Variants in USP47 observed in about 807,000 individuals in gnomAD.
The protein encoded by USP47 is ubiquitin carboxyl-terminal hydrolase 47.
A neutral mutation model predicts 165.1 loss-of-function variants in USP47; 35 were observed. That is an observed-to-expected ratio of 0.21 (90% confidence interval 0.16 to 0.28). The LOEUF is 0.28. Ranked by LOEUF, USP47 falls within the 10% of genes least tolerant of loss-of-function variation. The pLI is 1.00. For synonymous variants in USP47, 531 were observed against 544.5 expected, an observed-to-expected ratio of 0.98 and a Z score of 0.35; for missense variants, 1,277 against 1,607.4, an observed-to-expected ratio of 0.79 and a Z score of 3.52.
intron 18 of USP47, 83 bp downstream of exon 18, chr11:11,938,455 T>C (rs1444003423): frequency 2.1e-6 from 2 of 960,122 alleles, no homozygotes; most frequent in Non-Finnish European, 3.2e-6. Context: ...ATGAATAAGA[T>C]ACATGCTTTA....
chr11:11,863,981 G>C (rs1315801444), intron 1 of USP47, among the ~76,000 whole-genome samples: 1 of 152,112 alleles, frequency 6.6e-6, no homozygotes, highest in East Asian at 1.9e-4. Context: ...TAGAAATTGA[G>C]ATCTGGGTTC....
At chr11:11,912,873 A>G (rs1189955595) in intron 8 of USP47, among the ~76,000 whole-genome samples, 2 of 152,140 alleles carry the variant, frequency 1.3e-5, no homozygotes, top group African/African-American at 2.4e-5. Context: ...ATCAATGAGT[A>G]TAATCTTCCA....
intron 19 of USP47, among the ~76,000 whole-genome samples, chr11:11,941,861 G>C (rs968571731): frequency 6.6e-6 from 1 of 151,766 alleles, no homozygotes; most frequent in Admixed American, 6.6e-5. Context: ...CTTGCAGTTT[G>C]TTACAAAGCC....
chr11:11,911,679 CCT>C (rs1853001573), intron 8 of USP47, among the ~76,000 whole-genome samples: 2 of 152,078 alleles, frequency 1.3e-5, no homozygotes, highest in Admixed American at 1.3e-4. Flanking sequence ...AGCACGCCTC[CCT>C]CTCTTACTGA....
At chr11:11,948,415 G>A in intron 21 of USP47, 63 bp from the exon 22 acceptor site, 2 of 1,409,658 alleles carry the variant, frequency 1.4e-6, no homozygotes, top group Admixed American at 1.8e-5. Flanking sequence ...TTAAAAATGG[G>A]ATGAGAATGG....
At chr11:11,908,580 A>G (rs949829410) in intron 8 of USP47, among the ~76,000 whole-genome samples, 3 of 152,100 alleles carry the variant, frequency 2.0e-5, no homozygotes, top group Non-Finnish European at 2.9e-5. Flanking sequence ...TTATTATAAT[A>G]TCCACAATCA....
chr11:11,879,770 A>G (rs1194236441), intron 1 of USP47, among the ~76,000 whole-genome samples: 5 of 151,952 alleles, frequency 3.3e-5, no homozygotes, highest in Non-Finnish European at 7.4e-5. Context: ...ATTTTTTTTT[A>G]GGAGACCCAG....
Position 11,905,491 on chromosome 11 carries a change from T to C in USP47, c.912T>C (p.Tyr304=), listed in dbSNP as rs564443330. 1.9e-5 allele frequency: 31 copies of C among 1,610,010 alleles called. No homozygotes were observed. The South Asian group carries it at 2.1e-4, about 11-fold the overall frequency. ...CGYEGWRIDT[Y]LDIPLVIRPY... is the part of the protein sequence containing the mutation. ...ATGAGGGCTGGCGAATCGACACATA[T>C]CTTGATATTCCATTGGTCATCCGAC... is the stretch of plus-strand genomic sequence containing the variant. The change falls in exon 8 of 28, where the codon TAT becomes TAC. Residue 304 remains tyrosine (Y), a synonymous_variant. Coordinates refer to ENST00000527733, the MANE Select transcript of USP47 (RefSeq NM_001282659.2).
At chr11:11,945,375 A>G (rs747710268) in intron 20 of USP47, among the ~76,000 whole-genome samples, 3 of 152,184 alleles carry the variant, frequency 2.0e-5, no homozygotes, top group Non-Finnish European at 4.4e-5. Flanking sequence ...AATGAATTTG[A>G]TATTTAAAGA....
chr11:11,921,836 A>G (rs1233593340), intron 10 of USP47, among the ~76,000 whole-genome samples: 2 of 151,916 alleles, frequency 1.3e-5, no homozygotes, highest in South Asian at 2.1e-4. Context: ...TTCAGGAATT[A>G]TATCTCTTTG....
chr11:11,842,245 T>G, intron 1 of USP47, 21 bp downstream of exon 1: 1 of 1,550,376 alleles, frequency 6.5e-7, no homozygotes, highest in Non-Finnish European at 8.7e-7. Context: ...CCAGAGGAGG[T>G]TAGGCCTTAG....
At chr11:11,949,819 T>C in intron 22 of USP47, 70 bp from the exon 23 acceptor site, 1 of 1,022,506 alleles carries the variant, frequency 9.8e-7, no homozygotes, top group Non-Finnish European at 1.4e-6. Context: ...GTAATTTTTA[T>C]TTTAATGTGT....
At position 11,933,110 on chromosome 11, in the gene USP47, A is replaced by G; in HGVS notation, c.1758A>G (p.Thr586=). The stretch of plus-strand genomic sequence containing the variant: ...GACAACGAGAAATTGAGCGCAATAC[A>G]TGCAAGGTTGAATTCCATCATTTTA... ...EKRQREIERN[T]CKIKLFCLHP... is the part of the protein sequence containing the mutation. Residue 586 remains threonine (T), a synonymous_variant, in exon 15 of 28, where the codon ACA becomes ACG. Coordinates refer to ENST00000527733, the MANE Select transcript of USP47 (RefSeq NM_001282659.2). 1 of 1,612,096 alleles carries G rather than the reference A, an allele frequency of 6.2e-7. No individual in the cohort carries two copies. Among genetic ancestry groups the G allele is most frequent in the Non-Finnish European group, 8.5e-7 (1 of 1,179,016 alleles).
intron 1 of USP47, among the ~76,000 whole-genome samples, chr11:11,849,749 T>C (rs1848623653): frequency 6.6e-6 from 1 of 152,216 alleles, no homozygotes; most frequent in African/African-American, 2.4e-5. Context: ...TTTCTGTATC[T>C]GGTATCTTTG....
Position 11,875,295 on chromosome 11 carries a change from A to G in USP47, c.40-4882A>G, listed in dbSNP as rs77361066. 9.9e-4 allele frequency among the ~76,000 whole-genome samples: 151 copies of G among 152,302 alleles called. 1 individual carries two copies. In the East Asian group the frequency reaches 0.026, roughly 26 times the overall value. The stretch of plus-strand genomic sequence containing the variant: ...TATGCTGATGCCATTCTGAACATAT[A>G]CGATCAATTTTAAACCTCAGTGTGT... On this transcript the variant is annotated intron_variant, in intron 1 of 27. Transcript: ENST00000527733.
chr11:11,865,005 G>T (rs774449428), intron 1 of USP47, among the ~76,000 whole-genome samples: 1 of 152,088 alleles, frequency 6.6e-6, no homozygotes, highest in Non-Finnish European at 1.5e-5. Flanking sequence ...TGTGATCAGA[G>T]AAATCTGCTG....
Position 11,905,099 on chromosome 11 carries a change from G to A in USP47, c.820-300G>A, listed in dbSNP as rs1039047282. 4.0e-5 allele frequency among the ~76,000 whole-genome samples: 6 copies of A among 151,540 alleles called. No homozygotes were observed. The East Asian group carries it at 5.8e-4, about 15-fold the overall frequency. ...GATTTCATCAAAACATTAATCGTTC[G>A]GTTTTCTCATGATGAATATTGAAAT... is the stretch of plus-strand genomic sequence containing the variant. On this transcript the variant is annotated intron_variant, in intron 7 of 27. Transcript: ENST00000527733.
Position 11,922,091 on chromosome 11 carries a change from C to T in USP47, c.1219-633C>T, listed in dbSNP as rs915707056. 7.9e-5 allele frequency among the ~76,000 whole-genome samples: 12 copies of T among 151,624 alleles called. No individual in the cohort carries two copies. The South Asian group carries it at 8.3e-4, about 10-fold the overall frequency. On this transcript the variant is annotated intron_variant, in intron 10 of 27. Coordinates refer to ENST00000527733, the MANE Select transcript of USP47 (RefSeq NM_001282659.2). ...AACATTTTTAGAGATGTATATAAAA[C>T]GTTAAAGGGGGAAAGGATTGTTTGG...
At chr11:11,884,993 C>T (rs1013716596) in intron 3 of USP47, among the ~76,000 whole-genome samples, 1 of 152,148 alleles carries the variant, frequency 6.6e-6, no homozygotes, top group African/African-American at 2.4e-5. Flanking sequence ...AGGTCATTTC[C>T]GTTCTCACTT....
Sources: gnomAD v4.1 joint callset for allele counts (sites outside exome capture counted in the v4.1 genomes callset) on GRCh38, gnomAD v4.1.1 for gene constraint, MANE v1.5 for transcripts, NCBI Gene and HGNC (gene_info 2026-07-23, HGNC 2026-07-21) for gene names.